The following VCAN variants were observed in gnomAD, a reference collection of about 807,000 sequenced individuals.
VCAN encodes versican.
In VCAN, 44 loss-of-function variants were observed where a neutral mutation model predicts 245.5. That is an observed-to-expected ratio of 0.18 (90% CI 0.14 to 0.23). VCAN has a LOEUF of 0.23. Among genes scored for constraint, VCAN ranks in the 10% least tolerant of loss-of-function variants. The probability of loss-of-function intolerance (pLI) is 1.00; values close to 1 mark genes in which losing one functional copy is unlikely to be tolerated. For missense variants in VCAN, 3,793 were observed against 4,057.9 expected (o/e 0.93, Z 1.77); for synonymous variants, 1,413 against 1,437.0 (o/e 0.98, Z 0.38).
chr5:83,489,239 T>G (rs1371808650), intron 2 of VCAN, among the ~76,000 whole-genome samples: 1 of 152,218 alleles, frequency 6.6e-6, no homozygotes, highest in Non-Finnish European at 1.5e-5. Flanking sequence ...ACTAACATAT[T>G]GTCTAGCCTA....
At chr5:83,485,555 A>G (rs1380412487) in intron 2 of VCAN, among the ~76,000 whole-genome samples, 1 of 152,178 alleles carries the variant, frequency 6.6e-6, no homozygotes, top group African/African-American at 2.4e-5. Context: ...CAAGGGTAGC[A>G]GCAGAGATAT....
In VCAN at chr5:83,542,210, A is replaced by C; in HGVS notation, c.9207A>C (p.Thr3069=). 5 of 1,614,082 alleles carry C rather than the reference A, an allele frequency of 3.1e-6. No homozygotes were observed. The highest frequency in any genetic ancestry group is 4.2e-6 in the Non-Finnish European group (5 of 1,179,964). The part of the protein sequence containing the change: ...PFSLLETSNE[T]DFLIGINEES... ...CCCTTCTGGAGACTTCTAATGAAAC[A>C]GATTTCCTGATTGGCATTAATGAAG... The change falls in exon 8 of 15, where the codon ACA becomes ACC. Residue 3069 remains threonine (T), a synonymous_variant. Coordinates refer to ENST00000265077, the MANE Select transcript of VCAN (RefSeq NM_004385.5).
At chr5:83,475,717 C>T (rs1460750441) in intron 1 of VCAN, among the ~76,000 whole-genome samples, 1 of 152,146 alleles carries the variant, frequency 6.6e-6, no homozygotes, top group African/African-American at 2.4e-5. Flanking sequence ...TAAAGGGTTC[C>T]AATGGATTCC....
At position 83,505,646 on chromosome 5, in the gene VCAN, C is replaced by T. The variant is rs147054522; in HGVS notation, c.749-6457C>T. The stretch of plus-strand genomic sequence containing the variant: ...ACAGTGCAAGCTGTCAGTGGATCTA[C>T]CATTCTGGGTTCTGGAAGATGGTGG... On this transcript the variant is annotated intron_variant, in intron 5 of 14. Transcript: ENST00000265077. Among the ~76,000 whole-genome samples the T allele has an allele frequency of 4.5e-4, 68 of 152,166 alleles. 2 individuals are homozygous for T. The highest frequency in any genetic ancestry group is 7.3e-5 in the Non-Finnish European group (5 of 68,044).
chr5:83,525,418 T>G (rs938878801), intron 7 of VCAN, among the ~76,000 whole-genome samples: 1 of 152,080 alleles, frequency 6.6e-6, no homozygotes, highest in Non-Finnish European at 1.5e-5. Flanking sequence ...AAAAGAGCAC[T>G]CCTCTAAATC....
At chr5:83,544,449 C>T (rs186959931) in intron 8 of VCAN, among the ~76,000 whole-genome samples, 1 of 152,230 alleles carries the variant, frequency 6.6e-6, no homozygotes, top group Admixed American at 6.5e-5. Context: ...ATAGCAGTAC[C>T]TTGTTTATCC....
Position 83,540,009 on chromosome 5 carries a change from T to G in VCAN, c.7006T>G (p.Leu2336Val). The change falls in exon 8 of 15, where the codon TTA (leucine) becomes GTA (valine). Residue 2336 changes from leucine to valine, a missense_variant. Physicochemically the swap from Leu to Val is conservative, Grantham distance 32 (BLOSUM62 1). Coordinates refer to ENST00000265077, the MANE Select transcript of VCAN (RefSeq NM_004385.5). The stretch of plus-strand genomic sequence containing the variant: ...AACCAGCACAACATTAATAGAAATT[T>G]TAAGTGACACTGGAGCAGAAGGACC... Reference protein sequence around the residue: ...SVTSTTLIEILSDTGAEGPTV... With the variant: ...SVTSTTLIEIVSDTGAEGPTV... 9 of 1,614,040 alleles carry G rather than the reference T, an allele frequency of 5.6e-6. No homozygotes were observed. Among genetic ancestry groups the G allele is most frequent in the Non-Finnish European group, 7.6e-6 (9 of 1,179,986 alleles).
chr5:83,550,095 T>C (rs780817064), intron 10 of VCAN, among the ~76,000 whole-genome samples: 11 of 152,232 alleles, frequency 7.2e-5, no homozygotes, highest in Non-Finnish European at 1.2e-4. Context: ...CAGTTCTGGC[T>C]GCACAAACTG....
At chr5:83,490,547 G>C in intron 3 of VCAN, 75 bp downstream of exon 3, 1 of 1,596,018 alleles carries the variant, frequency 6.3e-7, no homozygotes, top group South Asian at 1.1e-5. Context: ...ATAGCACTCA[G>C]AAGTAACTGT....
In VCAN at chr5:83,538,671, G is replaced by A; in HGVS notation, c.5668G>A (p.Val1890Ile). 1 of 1,614,106 alleles carries A rather than the reference G, an allele frequency of 6.2e-7. No homozygotes were observed. The highest frequency in any genetic ancestry group is 8.5e-7 in the Non-Finnish European group (1 of 1,179,968). ...GCCAACAGGACTGGTTTTGAGTACA[G>A]TAATGGACAGAGTAGTTGCTGAAAA... ...TEPTGLVLST[V>I]MDRVVAENIT... The change falls in exon 8 of 15, where the codon GTA becomes ATA. Residue 1890 changes from valine to isoleucine, a missense_variant. By Grantham distance (29) the Val-to-Ile change is conservative. This residue lies in a region of VCAN where 3,182 missense variants were observed against 3,250.3 expected (regional missense o/e 0.98). Transcript: ENST00000265077.
At position 83,541,716 on chromosome 5, in the gene VCAN, G is replaced by A; in HGVS notation, c.8713G>A (p.Gly2905Ser). The A allele has an allele frequency of 6.2e-7, 1 of 1,613,922 alleles. No individual in the cohort carries two copies. The highest frequency in any genetic ancestry group is 8.5e-7 in the Non-Finnish European group (1 of 1,179,980). ...AAAATTAGAACCTTCAGAAGATGAT[G>A]GTAAACCTGAGTTATTAGAAGAAAT... The part of the protein sequence containing the change: ...DTKLEPSEDD[G>S]KPELLEEMEA... The change falls in exon 8 of 15, where the codon GGT becomes AGT. Residue 2905 changes from glycine (G) to serine (S), a missense_variant. By Grantham distance (56) the Gly-to-Ser change is moderately conservative. Coordinates refer to ENST00000265077, the MANE Select transcript of VCAN (RefSeq NM_004385.5).
intron 2 of VCAN, 65 bp from the exon 3 acceptor site, chr5:83,490,033 C>T: frequency 6.4e-7 from 1 of 1,556,252 alleles, no homozygotes; most frequent in South Asian, 1.1e-5. Flanking sequence ...TATCCATTCA[C>T]ATATTGAATA....
rs186231961 is a variant in VCAN at position 83,565,353 on chromosome 5, G to A, written c.9736-7063G>A. On this transcript the variant is annotated intron_variant, in intron 12 of 14. Coordinates refer to ENST00000265077, the MANE Select transcript of VCAN (RefSeq NM_004385.5). ...AGCATTACCAAGTCTTAGGTCTTAG[G>A]CACTTCTTTAATGCCAAGAAGTATT... is the stretch of plus-strand genomic sequence containing the variant. Among the ~76,000 whole-genome samples the A allele has an allele frequency of 7.9e-5, 12 of 151,752 alleles. No homozygotes were observed. In the East Asian group the frequency reaches 2.3e-3, roughly 29 times the overall value.
At chr5:83,571,774 G>C (rs537270768) in intron 12 of VCAN, among the ~76,000 whole-genome samples, 42 of 152,166 alleles carry the variant, frequency 2.8e-4, no homozygotes, top group African/African-American at 9.9e-4. Context: ...TCAACTGTAT[G>C]GTGCAAATAA....
intron 5 of VCAN, among the ~76,000 whole-genome samples, chr5:83,503,186 A>C (rs1264922249): frequency 6.6e-6 from 1 of 152,128 alleles, no homozygotes; most frequent in Non-Finnish European, 1.5e-5. Flanking sequence ...GATCTTATGT[A>C]TATCCATACA....
chr5:83,500,588 A>G (rs533768221), intron 5 of VCAN, among the ~76,000 whole-genome samples: 2 of 152,124 alleles, frequency 1.3e-5, no homozygotes, highest in African/African-American at 4.8e-5. Context: ...TTTAAAAGAA[A>G]CCTCACTTTT....
intron 12 of VCAN, among the ~76,000 whole-genome samples, chr5:83,567,181 A>G: frequency 6.6e-6 from 1 of 152,134 alleles, no homozygotes; most frequent in East Asian, 1.9e-4. Context: ...AAGCAATTTT[A>G]TCATATATTA....
chr5:83,545,906 C>T (rs1359986808), intron 9 of VCAN, among the ~76,000 whole-genome samples: 2 of 152,074 alleles, frequency 1.3e-5, no homozygotes, highest in Admixed American at 1.3e-4. Flanking sequence ...GTAGAATTTA[C>T]AAATGTAAAA....
chr5:83,568,324 A>G (rs1748160777), intron 12 of VCAN, among the ~76,000 whole-genome samples: 1 of 152,186 alleles, frequency 6.6e-6, no homozygotes. Context: ...ATGAGGTAAT[A>G]GTGTGACATG....
Sources: allele counts gnomAD v4.1 joint callset (sites outside exome capture counted in the v4.1 genomes callset), GRCh38; gene constraint gnomAD v4.1.1; regional missense constraint gnomAD v4.1.1; transcripts MANE v1.5; gene names NCBI Gene and HGNC (gene_info 2026-07-23, HGNC 2026-07-21).